SLC43A2: variants seen among roughly 807,000 people sequenced by gnomAD.
SLC43A2 encodes the protein large neutral amino acids transporter small subunit 4.
Under a neutral mutation model 63.2 loss-of-function variants are expected in SLC43A2, and 38 were observed. The ratio of observed to expected loss-of-function variants is 0.60; its 90% confidence interval spans 0.46 to 0.79. The LOEUF (loss-of-function observed/expected upper bound fraction) is 0.79, where lower values mean the gene tolerates loss of function less well. SLC43A2 is among the 30% of genes least tolerant of loss of function. SLC43A2 has a pLI of 0.00. For missense variants in SLC43A2, 644 were observed against 756.2 expected (o/e 0.85, Z 1.74); for synonymous variants, 322 against 331.0 (o/e 0.97, Z 0.30).
rs1189470317 is a variant in SLC43A2 at position 1,616,588 on chromosome 17, G to A, written c.342C>T (p.Gly114=). The change falls in exon 3 of 14, where the codon GGC becomes GGT. Residue 114 remains glycine, a synonymous_variant. Transcript: ENST00000301335. ...TGCCCAGCAGCCTGAGCTTCCTCGG[G>A]CCATACTTGTCCATGACGATACCCA... ...LPLGIVMDKY[G]PRKLRLLGSA... is the part of the protein sequence containing the mutation. The A allele has an allele frequency of 2.5e-6, 4 of 1,613,246 alleles. No homozygotes were observed. Among genetic ancestry groups the A allele is most frequent in the Non-Finnish European group, 2.5e-6 (3 of 1,179,704 alleles).
At chr17:1,600,308 G>A (rs1250700537) in intron 5 of SLC43A2, among the ~76,000 whole-genome samples, 3 of 142,778 alleles carry the variant, frequency 2.1e-5, no homozygotes, top group Non-Finnish European at 4.6e-5. Flanking sequence ...CTGCCACGAC[G>A]CCTGGCTAAT....
chr17:1,583,479 G>A lies in SLC43A2; in HGVS notation c.1218-143C>T, dbSNP rs546354268. ...CCAGGCACGTTTTAGGGACTGTGTC[G>A]GGGCTGGACCAGCACTACGGACACT... On this transcript the variant is annotated intron_variant, in intron 10 of 13. Transcript: ENST00000301335. This position sits in a 1 kb window ranked among gnomAD's most constrained non-coding sequence, Gnocchi z 5.5. 1.1e-4 allele frequency: 155 copies of A among 1,419,036 alleles called. No homozygotes were observed. The highest frequency in any genetic ancestry group is 1.4e-4 in the Non-Finnish European group (144 of 1,063,552). 87.9% of individuals were successfully genotyped at this position (1,419,036 alleles called of 1,614,324 possible).
intron 10 of SLC43A2, among the ~76,000 whole-genome samples, chr17:1,584,756 G>C (rs866683349): frequency 1.9e-4 from 29 of 151,338 alleles, no homozygotes; most frequent in South Asian, 1.2e-3. Context: ...GGAGGCGGAG[G>C]TTGCAGTGAG....
chr17:1,615,767 C>G (rs1031989755), intron 3 of SLC43A2, among the ~76,000 whole-genome samples: 1 of 147,394 alleles, frequency 6.8e-6, no homozygotes. Context: ...AGCGTGAACC[C>G]GGGAGGCGGA....
At chr17:1,599,137 G>A (rs1029068700) in intron 5 of SLC43A2, among the ~76,000 whole-genome samples, 4 of 151,904 alleles carry the variant, frequency 2.6e-5, no homozygotes, top group Admixed American at 2.6e-4. Flanking sequence ...TCACGAGATC[G>A]AGACCATCCT....
intron 11 of SLC43A2, among the ~76,000 whole-genome samples, chr17:1,581,199 T>A (rs1208130414): frequency 7.5e-5 from 1 of 13,306 alleles, no homozygotes; most frequent in Admixed American, 9.3e-4. Context: ...CTGTGCCCAG[T>A]GCCCACACAC....
chr17:1,616,393 A>G (rs556248188), intron 3 of SLC43A2, 169 bp downstream of exon 3: 19 of 667,740 alleles, frequency 2.8e-5, no homozygotes, highest in Admixed American at 1.2e-4. Context: ...CGAGGACCAC[A>G]GTACCTGCTG....
At chr17:1,627,498 C>G (rs756006172) in intron 2 of SLC43A2, among the ~76,000 whole-genome samples, 1 of 152,160 alleles carries the variant, frequency 6.6e-6, no homozygotes, top group Non-Finnish European at 1.5e-5. Flanking sequence ...TGCGGCCTTG[C>G]GCAAGACAGA....
At chr17:1,594,185 G>C (rs996977628) in intron 5 of SLC43A2, among the ~76,000 whole-genome samples, 2 of 152,130 alleles carry the variant, frequency 1.3e-5, no homozygotes, top group Non-Finnish European at 2.9e-5. Flanking sequence ...TGTTCGGCCC[G>C]AGCAGTTAGC....
chr17:1,618,341 G>C (rs899597641), intron 2 of SLC43A2, among the ~76,000 whole-genome samples: 1 of 152,244 alleles, frequency 6.6e-6, no homozygotes, highest in African/African-American at 2.4e-5. Flanking sequence ...CCACCTCCTA[G>C]AGTGTGGGGG....
Position 1,616,798 on chromosome 17 carries a change from C to G in SLC43A2, c.161-29G>C, listed in dbSNP as rs1026389205. 4.4e-6 allele frequency: 7 copies of G among 1,608,512 alleles called. No homozygotes were observed. The African/African-American group carries it at 9.3e-5, about 21-fold the overall frequency. ...TGTGAAGAGGGAAGGAAACCCTGAC[C>G]TCAGGGTCATGACAGGGATTCCCAA... On this transcript the variant is annotated intron_variant, in intron 2 of 13. Coordinates refer to ENST00000301335, the MANE Select transcript of SLC43A2 (RefSeq NM_152346.3).
rs908374807 is a variant in SLC43A2, at chr17:1,628,795, C to G, written c.-48G>C. The G allele has an allele frequency of 1.3e-5, 2 of 152,174 alleles. No individual in the cohort carries two copies. Among genetic ancestry groups the G allele is most frequent in the African/African-American group, 4.9e-5 (2 of 41,160 alleles). The allele number at this position is 152,174 out of a possible 1,614,324, so 9.4% of individuals were successfully genotyped here. On this transcript the variant is annotated splice_region_variant and 5_prime_UTR_variant, in exon 1 of 14. Coordinates refer to ENST00000301335, the MANE Select transcript of SLC43A2 (RefSeq NM_152346.3). Reference sequence around the variant, plus strand: ...GATCCCCTCCCTGCTGCAGCTCACCCGGCTCCTCCGGCGTGTGTCGGGCCC... The same window carrying G: ...GATCCCCTCCCTGCTGCAGCTCACCGGGCTCCTCCGGCGTGTGTCGGGCCC...
chr17:1,626,829 G>A (rs1160873266), intron 2 of SLC43A2, among the ~76,000 whole-genome samples: 2 of 152,178 alleles, frequency 1.3e-5, no homozygotes. Flanking sequence ...GGAGAAGGCA[G>A]AGGGAAAATT....
chr17:1,608,791 A>G (rs1156809193), intron 5 of SLC43A2, among the ~76,000 whole-genome samples: 3 of 151,986 alleles, frequency 2.0e-5, no homozygotes, highest in African/African-American at 4.8e-5. Context: ...GCACCTACAC[A>G]CGCTTTGTTG....
chr17:1,585,104 T>A, intron 10 of SLC43A2: 5 of 941,858 alleles, frequency 5.3e-6, no homozygotes, highest in Non-Finnish European at 5.1e-6. Context: ...ATCCCAGTAC[T>A]TTGGGAGGCT....
At position 1,577,281 on chromosome 17, in the gene SLC43A2, G is replaced by A. The variant is rs1459170485; in HGVS notation, c.1425-561C>T. 6.6e-6 allele frequency among the ~76,000 whole-genome samples: 1 copy of A among 152,244 alleles called. No homozygotes were observed. ...CTGTGGGTGTCTGGCTGAGCCGAGTGGAAAGCGTGGTGCCAGCGGGGACCT... is the reference window on the plus strand; with the variant it reads ...CTGTGGGTGTCTGGCTGAGCCGAGTAGAAAGCGTGGTGCCAGCGGGGACCT... On this transcript the variant is annotated intron_variant, in intron 12 of 13. Coordinates refer to ENST00000301335, the MANE Select transcript of SLC43A2 (RefSeq NM_152346.3). The surrounding 1 kb of genome is among the most constrained non-coding windows in gnomAD (Gnocchi z 4.9).
Position 1,613,158 on chromosome 17 carries a change from T to C in SLC43A2, c.501+37A>G, listed in dbSNP as rs1391111080. 3.2e-6 allele frequency: 5 copies of C among 1,559,860 alleles called. No homozygotes were observed. In the South Asian group the frequency reaches 4.5e-5, roughly 14 times the overall value. ...AAGCGGCCTCAAATTTAGAAACAGA[T>C]TACTGAACTACAGAGCTTTAAAAAA... is the stretch of plus-strand genomic sequence containing the variant. On this transcript the variant is annotated intron_variant, in intron 5 of 13. Transcript: ENST00000301335.
At chr17:1,599,771 G>A (rs564981370) in intron 5 of SLC43A2, among the ~76,000 whole-genome samples, 40 of 151,810 alleles carry the variant, frequency 2.6e-4, no homozygotes, top group African/African-American at 7.0e-4. Flanking sequence ...TTGGCCAGGC[G>A]CGGTGGCTCA....
chr17:1,587,140 G>A (rs2076116596), intron 9 of SLC43A2, among the ~76,000 whole-genome samples: 1 of 147,394 alleles, frequency 6.8e-6, no homozygotes, highest in Non-Finnish European at 1.5e-5. Context: ...GCGCTCAGGG[G>A]AGGCAGAGCT....
Sources: allele counts gnomAD v4.1 joint callset (sites outside exome capture counted in the v4.1 genomes callset), GRCh38; gene constraint gnomAD v4.1.1; non-coding constraint Gnocchi (gnomAD v3.1); transcripts MANE v1.5; gene names NCBI Gene and HGNC (gene_info 2026-07-23, HGNC 2026-07-21).